Variants in DNAH6 observed in about 807,000 individuals in gnomAD.
DNAH6 encodes the protein axonemal beta dynein heavy chain 6.
A neutral mutation model predicts 491.4 loss-of-function variants in DNAH6; 340 were observed. The ratio of observed to expected loss-of-function variants is 0.69; its 90% CI spans 0.63 to 0.76. DNAH6 has a LOEUF of 0.76. DNAH6 is among the 30% of genes least tolerant of loss of function. The pLI is 0.00. For synonymous variants in DNAH6, 1,603 were observed against 1,686.1 expected (o/e 0.95, Z 1.21); for missense variants, 4,443 against 4,972.2 (o/e 0.89, Z 3.20).
At position 84,628,866 on chromosome 2, in the gene DNAH6, A is replaced by G. The variant is rs185345405; in HGVS notation, c.4515+3803A>G. Among the ~76,000 whole-genome samples, 3 of 152,342 alleles carry G rather than the reference A, an allele frequency of 2.0e-5. No individual in the cohort carries two copies. In the East Asian group the frequency reaches 5.8e-4, roughly 29 times the overall value. On this transcript the variant is annotated intron_variant, in intron 29 of 76. Coordinates refer to ENST00000389394, the MANE Select transcript of DNAH6 (RefSeq NM_001370.2). ...ATGAAGAATAAAATAATGAATATCT[A>G]CTTAGCCACCTCCCAGCTAAGAGAT... is the stretch of plus-strand genomic sequence containing the variant.
At chr2:84,806,957 T>C (rs1039130029) in intron 71 of DNAH6, among the ~76,000 whole-genome samples, 1 of 152,264 alleles carries the variant, frequency 6.6e-6, no homozygotes, top group African/African-American at 2.4e-5. Context: ...GATAGAGTGC[T>C]GGTTGGGAAA....
the DNAH6 span, among the ~76,000 whole-genome samples, chr2:84,477,604 T>C: frequency 2.6e-5 from 4 of 152,208 alleles, no homozygotes; most frequent in Non-Finnish European, 5.9e-5. Flanking sequence ...GATCCTTTAC[T>C]GATCATGGAC....
At chr2:84,566,076 A>G (rs1441757666) in intron 11 of DNAH6, among the ~76,000 whole-genome samples, 1 of 151,992 alleles carries the variant, frequency 6.6e-6, no homozygotes, top group African/African-American at 2.4e-5. Context: ...TACATGGAGC[A>G]TTTAGACCGC....
At chr2:84,586,748 G>A (rs915171291) in intron 15 of DNAH6, among the ~76,000 whole-genome samples, 8 of 152,136 alleles carry the variant, frequency 5.3e-5, no homozygotes, top group African/African-American at 1.2e-4. Context: ...CAAGGGTCAC[G>A]CAGTTACTAA....
At chr2:84,694,092 C>G (rs184624554) in intron 45 of DNAH6, among the ~76,000 whole-genome samples, 157 bp from the exon 46 acceptor site, 20 of 152,370 alleles carry the variant, frequency 1.3e-4, no homozygotes, top group Non-Finnish European at 2.4e-4. Context: ...GTGCTGTTCA[C>G]CAAACCCTGG....
chr2:84,758,620 G>A (rs1277178785), intron 63 of DNAH6, among the ~76,000 whole-genome samples: 1 of 152,116 alleles, frequency 6.6e-6, no homozygotes, highest in African/African-American at 2.4e-5. Flanking sequence ...TTTATCCAGG[G>A]ATGCAAGGAT....
At position 84,816,216 on chromosome 2, in the gene DNAH6, A is replaced by G. The variant is rs1680472843; in HGVS notation, c.12373+133A>G. The G allele has an allele frequency of 6.4e-6, 4 of 626,762 alleles. No individual in the cohort carries two copies. In the Admixed American group the frequency reaches 1.3e-4, roughly 20 times the overall value. 38.8% of individuals were successfully genotyped at this position (626,762 alleles called of 1,614,324 possible). On this transcript the variant is annotated intron_variant, in intron 76 of 76. Transcript: ENST00000389394. Reference sequence around the variant, plus strand: ...TAGACTTAAAATGAAGCCACCTATAACATACAAAATTCGTAAATGTAATTA... The same window carrying G: ...TAGACTTAAAATGAAGCCACCTATAGCATACAAAATTCGTAAATGTAATTA...
At chr2:84,778,840 TTG>T (rs1189684512) in intron 64 of DNAH6, among the ~76,000 whole-genome samples, 1 of 152,212 alleles carries the variant, frequency 6.6e-6, no homozygotes, top group Non-Finnish European at 1.5e-5. Flanking sequence ...TTTCAGCATA[TTG>T]TGTCTCTCTT....
chr2:84,786,872 G>A (rs1193988083), intron 67 of DNAH6, among the ~76,000 whole-genome samples: 1 of 152,030 alleles, frequency 6.6e-6, no homozygotes, highest in Admixed American at 6.6e-5. Context: ...TTTCTGCTTT[G>A]ATGAGAAAAT....
At chr2:84,552,259 A>G (rs1679466348) in intron 9 of DNAH6, among the ~76,000 whole-genome samples, 1 of 152,112 alleles carries the variant, frequency 6.6e-6, no homozygotes. Context: ...TCTGCCGCCT[A>G]CTAGCTAGTA....
chr2:84,473,895 T>C, the DNAH6 span, among the ~76,000 whole-genome samples: 2 of 152,186 alleles, frequency 1.3e-5, no homozygotes, highest in African/African-American at 2.4e-5. Flanking sequence ...ATATCATCCA[T>C]GTAGTGGATG....
chr2:84,511,919 G>T (rs1174534122), upstream of DNAH6, among the ~76,000 whole-genome samples: 1 of 152,032 alleles, frequency 6.6e-6, no homozygotes, highest in Non-Finnish European at 1.5e-5. Context: ...GATTCAGTTT[G>T]CTAGTATTTC....
At chr2:84,810,236 A>C (rs1292469543) in intron 72 of DNAH6, among the ~76,000 whole-genome samples, 2 of 152,042 alleles carry the variant, frequency 1.3e-5, no homozygotes, top group African/African-American at 4.8e-5. Flanking sequence ...GAGTATGGCT[A>C]CTCTAACAAA....
intron 29 of DNAH6, among the ~76,000 whole-genome samples, chr2:84,626,340 T>C (rs903881369): frequency 1.3e-5 from 2 of 152,234 alleles, no homozygotes; most frequent in African/African-American, 4.8e-5. Context: ...TCAAGTTTTA[T>C]AAAATTTGTA....
At chr2:84,805,043 G>A (rs1679284959) in intron 70 of DNAH6, among the ~76,000 whole-genome samples, 1 of 152,100 alleles carries the variant, frequency 6.6e-6, no homozygotes, top group South Asian at 2.1e-4. Context: ...AAACTATTGG[G>A]CTAAAGCAAT....
chr2:84,728,787 C>G (rs999895329), intron 61 of DNAH6, among the ~76,000 whole-genome samples: 1 of 152,038 alleles, frequency 6.6e-6, no homozygotes, highest in African/African-American at 2.4e-5. Context: ...CCTGCTTGCT[C>G]TAGTCCCTTA....
intron 49 of DNAH6, among the ~76,000 whole-genome samples, chr2:84,703,046 T>C (rs1335890653): frequency 1.3e-5 from 2 of 152,166 alleles, no homozygotes; most frequent in Non-Finnish European, 2.9e-5. Flanking sequence ...AGCTGCAGCC[T>C]CCAGGGATTC....
At position 84,621,556 on chromosome 2, in the gene DNAH6, G is replaced by C; in HGVS notation, c.4071+5G>C. The C allele has an allele frequency of 6.7e-7, 1 of 1,491,824 alleles. No individual in the cohort carries two copies. The highest frequency in any genetic ancestry group is 9.1e-7 in the Non-Finnish European group (1 of 1,099,490). The allele number at this position is 1,491,824 out of a possible 1,614,324, so 92.4% of individuals were successfully genotyped here. A position where few individuals can be genotyped will look rare whatever the true frequency, so the allele number is the denominator to read the frequency against. ...TTTGAAAAAGTAAATTTTGAGGTGA[G>C]ATCTGTAACAAAGTGACATTGTTGT... On this transcript the variant is annotated splice_donor_5th_base_variant and intron_variant, in intron 26 of 76. Transcript: ENST00000389394.
chr2:84,647,941 G>A (rs1392634386), intron 33 of DNAH6, among the ~76,000 whole-genome samples: 1 of 151,966 alleles, frequency 6.6e-6, no homozygotes, highest in African/African-American at 2.4e-5. Context: ...AATAGTTGTT[G>A]GCCCAAGATT....
Sources: gnomAD v4.1 joint callset for allele counts (sites outside exome capture counted in the v4.1 genomes callset) on GRCh38, gnomAD v4.1.1 for gene constraint, MANE v1.5 for transcripts, NCBI Gene and HGNC (gene_info 2026-07-23, HGNC 2026-07-21) for gene names.